Variants in TMLHE observed in about 807,000 individuals in gnomAD.
TMLHE encodes the protein trimethyllysine hydroxylase, epsilon, also known as trimethyllysine dioxygenase, mitochondrial.
Under a neutral mutation model 25.7 loss-of-function variants are expected in TMLHE, and 18 were observed. The ratio of observed to expected loss-of-function variants is 0.70; its 90% CI spans 0.48 to 1.04. The LOEUF (loss-of-function observed/expected upper bound fraction) is 1.04. Ranked by LOEUF, TMLHE falls within the 50% of genes least tolerant of loss-of-function variation. The pLI is 0.00. For synonymous variants in TMLHE, 105 were observed against 97.0 expected (o/e 1.08, Z -0.49); for missense variants, 236 against 259.0 (o/e 0.91, Z 0.61).
At chrX:155,595,075 A>G (rs2067713610) in intron 1 of TMLHE, among the ~76,000 whole-genome samples, 1 of 112,191 alleles carries the variant, frequency 8.9e-6, no homozygotes, top group Non-Finnish European at 1.9e-5. Flanking sequence ...ACCACAAAAT[A>G]TATACAAATA....
In TMLHE at chrX:155,578,556, G is replaced by A. The variant is rs186252505; in HGVS notation, c.-1-33279C>T. Reference sequence around the variant, plus strand: ...GGCCCACCCAACCCATTGCTGCCACGGCAAAGACGAGCTTCAACCACATAG... The same window carrying A: ...GGCCCACCCAACCCATTGCTGCCACAGCAAAGACGAGCTTCAACCACATAG... On this transcript the variant is annotated intron_variant, in intron 1 of 7. Transcript: ENST00000334398. Among the ~76,000 whole-genome samples the A allele has an allele frequency of 2.1e-4, 23 of 111,824 alleles. 1 individual carries two copies. The highest frequency in any genetic ancestry group is 1.0e-3 in the Admixed American group (11 of 10,582).
At chrX:155,568,890 C>T (rs1473987845) in intron 1 of TMLHE, among the ~76,000 whole-genome samples, 1 of 57,795 alleles carries the variant, frequency 1.7e-5, no homozygotes, top group Non-Finnish European at 4.7e-5. Flanking sequence ...GGGGAAAAAA[C>T]AGAGCAGAAA....
At chrX:155,548,733 T>C (rs1160556163) in intron 1 of TMLHE, among the ~76,000 whole-genome samples, 2 of 97,262 alleles carry the variant, frequency 2.1e-5, no homozygotes, top group Non-Finnish European at 4.0e-5. Flanking sequence ...AGACTCTGTC[T>C]CAAAAAAAAA....
At chrX:155,548,551 T>C (rs186301444) in intron 1 of TMLHE, among the ~76,000 whole-genome samples, 75 of 107,196 alleles carry the variant, frequency 7.0e-4, no homozygotes, top group Middle Eastern at 4.7e-3. Flanking sequence ...CTGACTAACA[T>C]GGTGAAACCC....
rs1370720243 is a variant in TMLHE, at chrX:155,598,501, A to G, written c.-2+14291T>C. Among the ~76,000 whole-genome samples, 3 of 95,726 alleles carry G rather than the reference A, an allele frequency of 3.1e-5. No homozygotes were observed. The East Asian group carries it at 1.1e-3, about 34-fold the overall frequency. 83.1% of individuals were successfully genotyped at this position (95,726 alleles called of 115,157 possible). A position where few individuals can be genotyped will look rare whatever the true frequency, so the allele number is the denominator to read the frequency against. On this transcript the variant is annotated intron_variant, in intron 1 of 7. Transcript: ENST00000334398. ...CTCACTCATAGGTAGGAATTGAACA[A>G]TGAGAACACATGGACGTAGGAAGGG...
chrX:155,538,898 A>T lies in TMLHE; in HGVS notation c.181+6198T>A, dbSNP rs781861730. ...CATGTAATATCTCCCATATTAAAATAATATTCCAGGAGTGCCATCAGCAAG... is the reference window on the plus strand; with the variant it reads ...CATGTAATATCTCCCATATTAAAATTATATTCCAGGAGTGCCATCAGCAAG... On this transcript the variant is annotated intron_variant, in intron 2 of 7. Transcript: ENST00000334398. 2.7e-5 allele frequency among the ~76,000 whole-genome samples: 3 copies of T among 111,651 alleles called. No homozygotes were observed. The East Asian group carries it at 8.4e-4, about 31-fold the overall frequency.
rs1300550452 is a variant in TMLHE, at chrX:155,565,839, C to A, written c.-1-20562G>T. Among the ~76,000 whole-genome samples the A allele has an allele frequency of 4.2e-4, 26 of 61,994 alleles. 2 individuals carry two copies. Among genetic ancestry groups the A allele is most frequent in the African/African-American group, 9.3e-4 (26 of 27,942 alleles). The allele number at this position is 61,994 out of a possible 115,157, so 53.8% of individuals were successfully genotyped here. ...CACCCACTTGCCCTTTGGGGGGTAG[C>A]CTTTGGCTGCTGTGAGTTTGTAGTA... On this transcript the variant is annotated intron_variant, in intron 1 of 7. Transcript: ENST00000334398.
At position 155,560,598 on chromosome X, in the gene TMLHE, C is replaced by CGGA. The variant is rs2067490269; in HGVS notation, c.-1-15322_-1-15321insTCC. Among the ~76,000 whole-genome samples the CGGA allele has an allele frequency of 4.5e-5, 2 of 44,007 alleles. 1 individual carries two copies. Among genetic ancestry groups the CGGA allele is most frequent in the Non-Finnish European group, 1.5e-4 (2 of 12,947 alleles). 38.2% of individuals were successfully genotyped at this position (44,007 alleles called of 115,157 possible). On this transcript the variant is annotated intron_variant, in intron 1 of 7. Coordinates refer to ENST00000334398, the MANE Select transcript of TMLHE (RefSeq NM_018196.4). ...AAGGAGGAGTTAGTCATAAGGATAT[C>CGGA]TGGGGTAAAGTAGACTAGGCAGAGG...
chrX:155,593,376 T>C lies in TMLHE; in HGVS notation c.-2+19416A>G, dbSNP rs1413016557. ...AGCTAGAAAATACAACAGCAAGCTC[T>C]GACTTCCCAGGCTTGTTACCAGATG... On this transcript the variant is annotated intron_variant, in intron 1 of 7. Coordinates refer to ENST00000334398, the MANE Select transcript of TMLHE (RefSeq NM_018196.4). Among the ~76,000 whole-genome samples, 4 of 111,930 alleles carry C rather than the reference T, an allele frequency of 3.6e-5. No individual in the cohort carries two copies. In the Admixed American group the frequency reaches 3.8e-4, roughly 11 times the overall value.
intron 1 of TMLHE, among the ~76,000 whole-genome samples, chrX:155,579,644 A>C (rs2067612967): frequency 9.0e-6 from 1 of 111,622 alleles, no homozygotes; most frequent in African/African-American, 3.3e-5. Context: ...ATAGTACCCA[A>C]TAGGTAGTTT....
chrX:155,555,730 T>A (rs1258403902), intron 1 of TMLHE, among the ~76,000 whole-genome samples: 2 of 110,880 alleles, frequency 1.8e-5, no homozygotes, highest in African/African-American at 6.6e-5. Context: ...TGTTTTTTTC[T>A]TGTAAGTTTG....
At chrX:155,514,334 A>G in intron 3 of TMLHE, 69 bp from the exon 4 acceptor site, 1 of 1,060,965 alleles carries the variant, frequency 9.4e-7, no homozygotes, top group Non-Finnish European at 1.3e-6. Flanking sequence ...ATTGGTTACA[A>G]CTAGTTAAGA....
chrX:155,514,425 G>T (rs1367852211), intron 3 of TMLHE, among the ~76,000 whole-genome samples, 160 bp from the exon 4 acceptor site: 1 of 111,545 alleles, frequency 9.0e-6, no homozygotes, highest in Admixed American at 9.5e-5. Context: ...ATGTTTCTGA[G>T]AAAGAAATAT....
chrX:155,580,498 A>G (rs2067619346), intron 1 of TMLHE, among the ~76,000 whole-genome samples: 1 of 112,154 alleles, frequency 8.9e-6, no homozygotes, highest in African/African-American at 3.2e-5. Context: ...CAAAAGTAAA[A>G]AAGCCATTAT....
chrX:155,509,405 C>T (rs2067093655), intron 5 of TMLHE, among the ~76,000 whole-genome samples: 1 of 111,529 alleles, frequency 9.0e-6, no homozygotes, highest in Non-Finnish European at 1.9e-5. Flanking sequence ...CTGGTTGATG[C>T]CATAGCCTGA....
rs782442784 is a variant in TMLHE at position 155,546,051 on chromosome X, G to A, written c.-1-774C>T. ...CCGACTATGTGAAACTTTCTTCTCC[G>A]CTGGTTATGTGTGCTGTGGGCAAGT... On this transcript the variant is annotated intron_variant, in intron 1 of 7. Coordinates refer to ENST00000334398, the MANE Select transcript of TMLHE (RefSeq NM_018196.4). Among the ~76,000 whole-genome samples the A allele has an allele frequency of 4.5e-5, 5 of 110,226 alleles. No individual in the cohort carries two copies. The East Asian group carries it at 1.2e-3, about 25-fold the overall frequency.
At chrX:155,548,463 C>G (rs782639569) in intron 1 of TMLHE, among the ~76,000 whole-genome samples, 1 of 108,931 alleles carries the variant, frequency 9.2e-6, no homozygotes, top group Non-Finnish European at 1.9e-5. Context: ...AGGCTGGGCA[C>G]GGTGGCTCAT....
intron 1 of TMLHE, among the ~76,000 whole-genome samples, chrX:155,560,653 G>C (rs2067491551): frequency 2.0e-5 from 1 of 51,247 alleles, no homozygotes; most frequent in Admixed American, 2.3e-4. Context: ...TCTAAGTTGT[G>C]ATTATATCTG....
At chrX:155,560,680 A>T (rs1339772331) in intron 1 of TMLHE, among the ~76,000 whole-genome samples, 1 of 57,780 alleles carries the variant, frequency 1.7e-5, no homozygotes, top group African/African-American at 3.7e-5. Flanking sequence ...CCAAAAGAAA[A>T]AAAAAAGAAA....
Sources: allele counts gnomAD v4.1 joint callset (sites outside exome capture counted in the v4.1 genomes callset), GRCh38; gene constraint gnomAD v4.1.1; transcripts MANE v1.5; gene names NCBI Gene and HGNC (gene_info 2026-07-23, HGNC 2026-07-21).